Variants in DTNA observed in about 807,000 individuals in gnomAD.
The protein encoded by DTNA is dystrophin-related protein 3.
Under a neutral mutation model 100.7 loss-of-function variants are expected in DTNA, and 43 were observed. The ratio of observed to expected loss-of-function variants is 0.43; its 90% CI spans 0.33 to 0.55. DTNA has a LOEUF of 0.55. Among genes scored for constraint, DTNA ranks in the 20% least tolerant of loss-of-function variants. The pLI, the probability that DTNA is intolerant of heterozygous loss-of-function variation, is 0.04. For synonymous variants in DTNA, 349 were observed against 347.9 expected (o/e 1.00, Z -0.04); for missense variants, 798 against 953.9 (o/e 0.84, Z 2.15).
intron 18 of DTNA, 129 bp from the exon 19 acceptor site, chr18:34,877,590 A>G: frequency 4.1e-6 from 3 of 724,430 alleles, no homozygotes; most frequent in South Asian, 1.7e-5. Flanking sequence ...GAACTAAAGC[A>G]CTTCTGAAAA....
At chr18:34,793,852 A>G (rs992105335) in intron 3 of DTNA, among the ~76,000 whole-genome samples, 185 bp from the exon 4 acceptor site, 3 of 152,204 alleles carry the variant, frequency 2.0e-5, no homozygotes, top group South Asian at 2.1e-4. Flanking sequence ...TTTGCTTGCT[A>G]TTATGTAATG....
At chr18:34,724,907 C>T (rs1028250660) in intron 1 of DTNA, among the ~76,000 whole-genome samples, 4 of 152,128 alleles carry the variant, frequency 2.6e-5, no homozygotes, top group Non-Finnish European at 2.9e-5. Flanking sequence ...TGGAACAGAA[C>T]ATTGATCAGA....
At chr18:34,616,090 T>C (rs2147711882) in intron 1 of DTNA, among the ~76,000 whole-genome samples, 1 of 152,342 alleles carries the variant, frequency 6.6e-6, no homozygotes, top group South Asian at 2.1e-4. Context: ...TTATATTCCT[T>C]TGGGTGTATA....
Position 34,819,730 on chromosome 18 carries a change from A to G in DTNA, c.877-1061A>G, listed in dbSNP as rs528923448. On this transcript the variant is annotated intron_variant, in intron 8 of 22. Coordinates refer to ENST00000444659, the MANE Select transcript of DTNA (RefSeq NM_001386795.1). ...CAGAAGGCCCTGTGGTTTGTGGGGC[A>G]AAGAGCTGCTGTTGCTGCTGTCTTA... Among the ~76,000 whole-genome samples the G allele has an allele frequency of 2.6e-5, 4 of 152,234 alleles. No homozygotes were observed. In the South Asian group the frequency reaches 8.3e-4, roughly 32 times the overall value.
At chr18:34,752,245 T>G (rs1008081511) in intron 1 of DTNA, among the ~76,000 whole-genome samples, 3 of 152,214 alleles carry the variant, frequency 2.0e-5, no homozygotes, top group African/African-American at 7.2e-5. Flanking sequence ...TGGGCAGCTG[T>G]TGTTGTACTG....
intron 1 of DTNA, among the ~76,000 whole-genome samples, chr18:34,622,935 C>T (rs748046210): frequency 3.9e-5 from 6 of 152,212 alleles, no homozygotes; most frequent in African/African-American, 1.2e-4. Flanking sequence ...AATAAATCCT[C>T]TCCCATATAT....
chr18:34,582,242 A>AC (rs2048721835), intron 1 of DTNA, among the ~76,000 whole-genome samples: 1 of 151,880 alleles, frequency 6.6e-6, no homozygotes, highest in Non-Finnish European at 1.5e-5. Flanking sequence ...ATTGACTGCT[A>AC]CCCCCTACAT....
intron 11 of DTNA, among the ~76,000 whole-genome samples, chr18:34,834,779 C>T (rs1433328262): frequency 6.6e-6 from 1 of 152,166 alleles, no homozygotes; most frequent in South Asian, 2.1e-4. Flanking sequence ...GAGGGATCTA[C>T]CCCCATAACC....
At chr18:34,651,028 C>G (rs1333316082) in intron 1 of DTNA, among the ~76,000 whole-genome samples, 1 of 152,138 alleles carries the variant, frequency 6.6e-6, no homozygotes, top group Non-Finnish European at 1.5e-5. Context: ...AGCTCATTGT[C>G]ATCTTTTCCA....
chr18:34,811,895 A>T (rs2095494119), intron 5 of DTNA, 64 bp from the exon 6 acceptor site: 3 of 1,595,846 alleles, frequency 1.9e-6, no homozygotes, highest in Middle Eastern at 1.8e-4. Context: ...TAGCAGATAT[A>T]TTGAACAAAA....
intron 15 of DTNA, 73 bp downstream of exon 15, chr18:34,852,001 A>G: frequency 1.3e-6 from 2 of 1,483,118 alleles, no homozygotes; most frequent in Non-Finnish European, 1.9e-6. Flanking sequence ...TCGTGCTTTA[A>G]AGTTTCAGGG....
rs572437399 is a variant in DTNA at position 34,597,144 on chromosome 18, T to C, written c.-2+103630T>C. 7.9e-5 allele frequency among the ~76,000 whole-genome samples: 12 copies of C among 152,248 alleles called. No individual in the cohort carries two copies. In the East Asian group the frequency reaches 1.2e-3, roughly 15 times the overall value. On this transcript the variant is annotated intron_variant, in intron 1 of 19. Coordinates refer to the DTNA transcript ENST00000283365. ...TGTGTTAGTTTGCTGGGAATGATGG[T>C]TTCCAGCTTCATCCATGTCCCTGCA... is the stretch of plus-strand genomic sequence containing the variant.
chr18:34,846,335 C>T (rs547280318), intron 13 of DTNA, among the ~76,000 whole-genome samples: 2 of 152,228 alleles, frequency 1.3e-5, no homozygotes, highest in East Asian at 3.9e-4. Context: ...TGGATATGAA[C>T]ATGTTATTTA....
rs773407468 is a variant in DTNA at position 34,794,075 on chromosome 18, C to A, written c.187C>A (p.Arg63=). The part of the protein sequence containing the change: ...VDIWNVIEAL[R]ENALNNLDPN... ...CATATGGAATGTCATAGAAGCATTG[C>A]GGGAAAATGCTCTGAACAACCTGGA... Residue 63 remains arginine, a synonymous_variant, in exon 4 of 23, where the codon CGG becomes AGG. Transcript: ENST00000444659. 6 of 1,613,902 alleles carry A rather than the reference C, an allele frequency of 3.7e-6. No individual in the cohort carries two copies. Among genetic ancestry groups the A allele is most frequent in the East Asian group, 2.2e-5 (1 of 44,866 alleles).
intron 8 of DTNA, chr18:34,818,754 T>A: frequency 1.6e-6 from 1 of 627,186 alleles, no homozygotes. Context: ...GTGACTAGAA[T>A]ATTAAAGAAA....
At chr18:34,844,926 T>G (rs908518595) in intron 13 of DTNA, among the ~76,000 whole-genome samples, 2 of 152,106 alleles carry the variant, frequency 1.3e-5, no homozygotes, top group African/African-American at 2.4e-5. Flanking sequence ...GGCCATGCAT[T>G]TCGGGTAGAA....
intron 1 of DTNA, among the ~76,000 whole-genome samples, chr18:34,559,866 C>A (rs2046478181): frequency 6.6e-6 from 1 of 152,124 alleles, no homozygotes; most frequent in African/African-American, 2.4e-5. Flanking sequence ...ATACATTGTA[C>A]CACAAAATAT....
Position 34,828,936 on chromosome 18 carries a change from T to C in DTNA, c.1086-464T>C, listed in dbSNP as rs9946576. 326,768 of 1,274,656 alleles carry C rather than the reference T, an allele frequency of 0.26. 44,058 individuals carry two copies. The highest frequency in any genetic ancestry group is 0.35 in the African/African-American group (23,692 of 68,098). The allele number at this position is 1,274,656 out of a possible 1,614,324, so 79.0% of individuals were successfully genotyped here. ...GTGCATCTATCTAGGGAAGACCTGA[T>C]GTGATGTTTAGAAATATGTACTTTT... On this transcript the variant is annotated intron_variant, in intron 10 of 22. Coordinates refer to ENST00000444659, the MANE Select transcript of DTNA (RefSeq NM_001386795.1).
intron 1 of DTNA, among the ~76,000 whole-genome samples, chr18:34,636,424 A>C (rs570101931): frequency 1.5e-4 from 23 of 152,318 alleles, no homozygotes; most frequent in Admixed American, 3.9e-4. Flanking sequence ...TGCTGGGCTG[A>C]AAATTAGTAA....
Sources: allele counts gnomAD v4.1 joint callset (sites outside exome capture counted in the v4.1 genomes callset), GRCh38; gene constraint gnomAD v4.1.1; transcripts MANE v1.5; gene names NCBI Gene and HGNC (gene_info 2026-07-23, HGNC 2026-07-21).